The following TTC28 variants were observed in gnomAD, a reference collection of about 807,000 sequenced individuals.
The protein encoded by TTC28 is tetratricopeptide repeat protein 28.
A neutral mutation model predicts 198.0 loss-of-function variants in TTC28; 61 were observed. That is an observed-to-expected ratio of 0.31 (90% CI 0.25 to 0.38). TTC28 has a LOEUF of 0.38. Ranked by LOEUF, TTC28 falls within the 10% of genes least tolerant of loss-of-function variation. The pLI, the probability that TTC28 is intolerant of heterozygous loss-of-function variation, is 1.00. For synonymous variants in TTC28, 1,171 were observed against 1,297.8 expected (o/e 0.90, Z 2.10); for missense variants, 2,678 against 3,164.0 (o/e 0.85, Z 3.69).
chr22:28,108,437 G>A, intron 6 of TTC28, 34 bp from the exon 7 acceptor site: 1 of 1,391,864 alleles, frequency 7.2e-7, no homozygotes, highest in Non-Finnish European at 9.3e-7. Flanking sequence ...GACTAAGACT[G>A]AAATAACTGA....
intron 13 of TTC28, among the ~76,000 whole-genome samples, chr22:28,022,118 T>C (rs1938631191): frequency 6.6e-6 from 1 of 152,198 alleles, no homozygotes; most frequent in Non-Finnish European, 1.5e-5. Flanking sequence ...AGAAAGCCTG[T>C]GGCCTGAGGG....
chr22:27,985,617 C>G, intron 21 of TTC28: 1 of 350,424 alleles, frequency 2.9e-6, no homozygotes, highest in Non-Finnish European at 5.5e-6. Context: ...TCCTCTGTCC[C>G]TTCACGGAAA....
chr22:28,072,774 G>T (rs1003233797), intron 12 of TTC28, among the ~76,000 whole-genome samples: 13 of 152,206 alleles, frequency 8.5e-5, no homozygotes, highest in African/African-American at 3.1e-4. Flanking sequence ...TGGTGCAGAG[G>T]TAGCAGGGGG....
chr22:28,540,840 T>C (rs543751165), intron 2 of TTC28, among the ~76,000 whole-genome samples: 9 of 152,300 alleles, frequency 5.9e-5, no homozygotes, highest in South Asian at 2.1e-4. Context: ...TCTGAATAGT[T>C]TGAATATGTC....
intron 2 of TTC28, among the ~76,000 whole-genome samples, chr22:28,529,423 T>C (rs909214300): frequency 6.6e-6 from 1 of 152,030 alleles, no homozygotes. Context: ...TCAAACTGGG[T>C]GGAGTCCACC....
intron 2 of TTC28, among the ~76,000 whole-genome samples, chr22:28,388,326 G>A (rs1291129239): frequency 1.3e-5 from 2 of 152,090 alleles, no homozygotes; most frequent in East Asian, 1.9e-4. Context: ...TTGGCAATGC[G>A]GGCTCTTTTT....
chr22:28,069,234 GC>G (rs1201561050), intron 12 of TTC28, among the ~76,000 whole-genome samples: 2 of 152,104 alleles, frequency 1.3e-5, no homozygotes, highest in African/African-American at 4.8e-5. Flanking sequence ...CTTTTTTAAG[GC>G]CGACGTTTGT....
At chr22:28,088,495 C>T (rs1274998389) in intron 12 of TTC28, among the ~76,000 whole-genome samples, 2 of 151,512 alleles carry the variant, frequency 1.3e-5, no homozygotes, top group East Asian at 1.9e-4. Context: ...TTCCTTACAC[C>T]TTATACAAAA....
At chr22:28,411,388 A>T (rs1247035469) in intron 2 of TTC28, among the ~76,000 whole-genome samples, 2 of 152,222 alleles carry the variant, frequency 1.3e-5, no homozygotes, top group East Asian at 3.8e-4. Context: ...AGAGATCTAA[A>T]AGAAAGCTTA....
At chr22:28,038,639 C>T (rs952620627) in intron 12 of TTC28, among the ~76,000 whole-genome samples, 17 of 152,310 alleles carry the variant, frequency 1.1e-4, no homozygotes, top group Admixed American at 5.2e-4. Context: ...ACACCAAAAG[C>T]AATGGCAACA....
chr22:28,463,463 CAT>C (rs769182428), intron 2 of TTC28, among the ~76,000 whole-genome samples: 6 of 152,154 alleles, frequency 3.9e-5, no homozygotes, highest in Non-Finnish European at 5.9e-5. Flanking sequence ...CACATGCACA[CAT>C]GTGTTTATTG....
intron 2 of TTC28, among the ~76,000 whole-genome samples, chr22:28,377,912 G>A (rs532846942): frequency 1.6e-4 from 24 of 152,156 alleles, no homozygotes; most frequent in African/African-American, 5.5e-4. Flanking sequence ...CAAGGATATT[G>A]TCTCCTAAAA....
At chr22:28,227,028 G>C (rs1211601691) in intron 5 of TTC28, among the ~76,000 whole-genome samples, 2 of 152,038 alleles carry the variant, frequency 1.3e-5, no homozygotes, top group South Asian at 4.2e-4. Context: ...TGGCTCAAAT[G>C]ATCTTCCCAC....
chr22:28,621,167 T>C (rs1351826742), intron 2 of TTC28, among the ~76,000 whole-genome samples: 2 of 152,222 alleles, frequency 1.3e-5, no homozygotes, highest in Non-Finnish European at 2.9e-5. Flanking sequence ...TTTGTGTTTA[T>C]TTTTTAATTC....
At chr22:28,302,521 G>A (rs963418259) in intron 3 of TTC28, among the ~76,000 whole-genome samples, 3 of 152,184 alleles carry the variant, frequency 2.0e-5, no homozygotes, top group Admixed American at 6.5e-5. Flanking sequence ...ACAACATTAG[G>A]AGATGGATAT....
intron 2 of TTC28, among the ~76,000 whole-genome samples, chr22:28,568,953 C>T (rs2050020529): frequency 6.6e-6 from 1 of 151,982 alleles, no homozygotes; most frequent in South Asian, 2.1e-4. Context: ...TCGACACCAG[C>T]CTTGCCAATA....
chr22:28,080,500 C>T (rs2146805248), intron 12 of TTC28, among the ~76,000 whole-genome samples: 1 of 152,228 alleles, frequency 6.6e-6, no homozygotes, highest in East Asian at 1.9e-4. Context: ...GAAATGTCTA[C>T]TTAGGTCCTT....
At chr22:28,399,592 A>G (rs1426436409) in intron 2 of TTC28, among the ~76,000 whole-genome samples, 1 of 152,182 alleles carries the variant, frequency 6.6e-6, no homozygotes, top group Non-Finnish European at 1.5e-5. Flanking sequence ...GGTGTCAGCC[A>G]CTACGCCCAG....
intron 2 of TTC28, among the ~76,000 whole-genome samples, chr22:28,534,844 T>G (rs2049231380): frequency 6.6e-6 from 1 of 150,872 alleles, no homozygotes; most frequent in African/African-American, 2.4e-5. Context: ...TTCTCACTAA[T>G]AGGTGGGAAT....
Sources: allele counts gnomAD v4.1 joint callset (sites outside exome capture counted in the v4.1 genomes callset), GRCh38; gene constraint gnomAD v4.1.1; transcripts MANE v1.5; gene names NCBI Gene and HGNC (gene_info 2026-07-23, HGNC 2026-07-21).